The following PLCB4 variants were observed in gnomAD, a reference collection of about 807,000 sequenced individuals.
The protein encoded by PLCB4 is phospholipase C beta 4.
PLCB4 carries 77 observed loss-of-function variants against 178.8 expected under a neutral mutation model. That is an observed-to-expected ratio of 0.43 (90% CI 0.36 to 0.52). The LOEUF (loss-of-function observed/expected upper bound fraction) is 0.52. Among genes scored for constraint, PLCB4 ranks in the 20% least tolerant of loss-of-function variants. PLCB4 has a pLI of 0.00. For missense variants in PLCB4, 1,024 were observed against 1,453.4 expected (o/e 0.70, Z 4.80); for synonymous variants, 496 against 490.8 (o/e 1.01, Z -0.14).
chr20:9,075,153 C>T (rs1393620535), intron 1 of PLCB4, among the ~76,000 whole-genome samples: 1 of 151,992 alleles, frequency 6.6e-6, no homozygotes, highest in Non-Finnish European at 1.5e-5. Context: ...ATTAATCATC[C>T]CAGGATGTTA....
chr20:9,115,481 G>A (rs890176634), intron 2 of PLCB4, among the ~76,000 whole-genome samples: 1 of 150,688 alleles, frequency 6.6e-6, no homozygotes, highest in Non-Finnish European at 1.5e-5. Flanking sequence ...ACAATGTGCA[G>A]GTTTGTTACA....
intron 2 of PLCB4, among the ~76,000 whole-genome samples, chr20:9,103,395 C>T (rs1403743095): frequency 6.6e-6 from 1 of 152,070 alleles, no homozygotes; most frequent in Non-Finnish European, 1.5e-5. Context: ...TGAAGAATTA[C>T]TGTATTTTTC....
At chr20:9,379,517 G>A (rs565027750) in intron 12 of PLCB4, among the ~76,000 whole-genome samples, 7 of 152,274 alleles carry the variant, frequency 4.6e-5, no homozygotes, top group African/African-American at 1.7e-4. Context: ...AATGAAATTT[G>A]TTGAGTGCCC....
chr20:9,081,283 C>G (rs923448820), intron 1 of PLCB4, among the ~76,000 whole-genome samples: 4 of 152,248 alleles, frequency 2.6e-5, no homozygotes, highest in African/African-American at 4.8e-5. Context: ...TAAGATACTT[C>G]AACAGCTCCC....
chr20:9,339,131 T>TACCATACAATTTAA, intron 7 of PLCB4, 94 bp downstream of exon 7: 5 of 933,206 alleles, frequency 5.4e-6, no homozygotes, highest in African/African-American at 1.7e-5. Flanking sequence ...ATACTTAAAT[T>TACCATACAATTTAA]GTATGGTAAT....
chr20:9,246,659 T>TG (rs768282057), intron 3 of PLCB4, among the ~76,000 whole-genome samples: 37 of 152,080 alleles, frequency 2.4e-4, no homozygotes, highest in Non-Finnish European at 4.3e-4. Flanking sequence ...TTTGGAGGTA[T>TG]GGGTCACTCT....
chr20:9,149,456 G>A lies in PLCB4; in HGVS notation c.-79+53114G>A, dbSNP rs1021883887. Among the ~76,000 whole-genome samples, 19 of 152,182 alleles carry A rather than the reference G, an allele frequency of 1.2e-4. No homozygotes were observed. In the East Asian group the frequency reaches 3.7e-3, roughly 29 times the overall value. On this transcript the variant is annotated intron_variant, in intron 2 of 39. Coordinates refer to ENST00000378473, the MANE Select transcript of PLCB4 (RefSeq NM_001377142.1). ...CTAGAGTAGTTTCTGTGTTCTGGTT[G>A]ACTTTGACTAATAACGATTTATTGA...
intron 3 of PLCB4, among the ~76,000 whole-genome samples, chr20:9,227,724 T>C (rs1320681327): frequency 6.6e-6 from 1 of 152,198 alleles, no homozygotes; most frequent in East Asian, 1.9e-4. Flanking sequence ...TATTACTGTG[T>C]CTTTTGTAGT....
chr20:9,211,657 C>A (rs1022584865), intron 2 of PLCB4, among the ~76,000 whole-genome samples: 2 of 148,608 alleles, frequency 1.3e-5, no homozygotes, highest in Admixed American at 6.6e-5. Context: ...GAAAATACAA[C>A]CATGATAATG....
intron 2 of PLCB4, among the ~76,000 whole-genome samples, chr20:9,148,313 G>A (rs945239520): frequency 1.3e-5 from 2 of 152,002 alleles, no homozygotes; most frequent in African/African-American, 4.8e-5. Context: ...AAATGTATTT[G>A]CAATCTTTAT....
chr20:9,150,810 C>T (rs1600730415), intron 2 of PLCB4, among the ~76,000 whole-genome samples: 1 of 152,120 alleles, frequency 6.6e-6, no homozygotes, highest in African/African-American at 2.4e-5. Flanking sequence ...GAAACCTTCT[C>T]CTCCGAAAAT....
intron 2 of PLCB4, among the ~76,000 whole-genome samples, chr20:9,187,582 T>A (rs1204667898): frequency 6.6e-6 from 1 of 152,240 alleles, no homozygotes; most frequent in East Asian, 1.9e-4. Flanking sequence ...TCAGTAAGTA[T>A]TTCATAGGAC....
At chr20:9,332,944 C>T (rs188619591) in intron 4 of PLCB4, among the ~76,000 whole-genome samples, 74 of 152,254 alleles carry the variant, frequency 4.9e-4, no homozygotes, top group Admixed American at 4.0e-3. Flanking sequence ...CCCCCAACCT[C>T]GAAGATGAGT....
At chr20:9,380,747 G>A (rs919771797) in intron 13 of PLCB4, among the ~76,000 whole-genome samples, 2 of 152,168 alleles carry the variant, frequency 1.3e-5, no homozygotes, top group African/African-American at 4.8e-5. Context: ...GGCATGGGGA[G>A]AAATTTTAAA....
intron 4 of PLCB4, among the ~76,000 whole-genome samples, chr20:9,333,270 G>A (rs1462906404): frequency 2.0e-5 from 3 of 152,274 alleles, no homozygotes; most frequent in East Asian, 3.9e-4. Context: ...CCCTCTTGGA[G>A]GTTGTTGCAT....
chr20:9,366,346 G>T (rs530433488), intron 9 of PLCB4, among the ~76,000 whole-genome samples: 5 of 144,132 alleles, frequency 3.5e-5, no homozygotes, highest in African/African-American at 1.0e-4. Context: ...GCAGTGAGTC[G>T]AGATGGCACC....
At chr20:9,296,916 A>G (rs1369210746) in intron 3 of PLCB4, among the ~76,000 whole-genome samples, 1 of 152,132 alleles carries the variant, frequency 6.6e-6, no homozygotes, top group African/African-American at 2.4e-5. Context: ...TTAAATGACA[A>G]GTTGATGGGT....
chr20:9,453,208 T>G, intron 32 of PLCB4, 139 bp from the exon 33 acceptor site: 2 of 590,946 alleles, frequency 3.4e-6, no homozygotes, highest in Non-Finnish European at 6.0e-6. Flanking sequence ...AGATCTGGAG[T>G]CTGTACTGTT....
intron 2 of PLCB4, among the ~76,000 whole-genome samples, chr20:9,105,899 G>A (rs1408341883): frequency 6.6e-6 from 1 of 152,012 alleles, no homozygotes; most frequent in Non-Finnish European, 1.5e-5. Flanking sequence ...TGTATGTGGG[G>A]AAGTCATCTC....
Sources: gnomAD v4.1 joint callset for allele counts (sites outside exome capture counted in the v4.1 genomes callset) on GRCh38, gnomAD v4.1.1 for gene constraint, MANE v1.5 for transcripts, NCBI Gene and HGNC (gene_info 2026-07-23, HGNC 2026-07-21) for gene names.